Variants in PCSK2 observed in about 807,000 individuals in gnomAD.
PCSK2 encodes proprotein convertase subtilisin/kexin type 2.
Under a neutral mutation model 69.7 loss-of-function variants are expected in PCSK2, and 14 were observed. The ratio of observed to expected loss-of-function variants is 0.20; its 90% CI spans 0.13 to 0.31. The LOEUF (loss-of-function observed/expected upper bound fraction) is 0.31. Ranked by LOEUF, PCSK2 falls within the 10% of genes least tolerant of loss-of-function variation. The pLI, the probability that PCSK2 is intolerant of heterozygous loss-of-function variation, is 1.00. For synonymous variants in PCSK2, 307 were observed against 320.7 expected, an observed-to-expected ratio of 0.96 and a Z score of 0.46; for missense variants, 544 against 842.5, an observed-to-expected ratio of 0.65 and a Z score of 4.39.
At chr20:17,254,830 GA>G (rs1409075902) in intron 1 of PCSK2, among the ~76,000 whole-genome samples, 3 of 152,110 alleles carry the variant, frequency 2.0e-5, no homozygotes, top group African/African-American at 7.2e-5. Flanking sequence ...CATTTATTTA[GA>G]TCTTTAATTT....
intron 6 of PCSK2, among the ~76,000 whole-genome samples, chr20:17,418,650 C>A (rs1265555274): frequency 1.3e-5 from 2 of 152,174 alleles, no homozygotes; most frequent in Non-Finnish European, 2.9e-5. Context: ...CTCTCAGAAG[C>A]CCCAATAGCC....
intron 2 of PCSK2, among the ~76,000 whole-genome samples, chr20:17,275,112 T>TATAA (rs1555783895): frequency 1.9e-4 from 26 of 135,250 alleles, no homozygotes; most frequent in Admixed American, 1.7e-3. Flanking sequence ...TATATATATA[T>TATAA]AATGTTGGGC....
At chr20:17,258,930 A>T (rs1987277342) in intron 1 of PCSK2, among the ~76,000 whole-genome samples, 1 of 151,962 alleles carries the variant, frequency 6.6e-6, no homozygotes, top group South Asian at 2.1e-4. Flanking sequence ...AAAAAAGAAA[A>T]CATGAAGAAT....
At chr20:17,358,613 T>C (rs2030287881) in intron 3 of PCSK2, among the ~76,000 whole-genome samples, 173 bp downstream of exon 3, 1 of 152,232 alleles carries the variant, frequency 6.6e-6, no homozygotes, top group East Asian at 1.9e-4. Flanking sequence ...TCTAGTTCTC[T>C]AATCTGCTTT....
intron 2 of PCSK2, among the ~76,000 whole-genome samples, chr20:17,341,990 G>C (rs565776908): frequency 6.6e-6 from 1 of 152,344 alleles, no homozygotes; most frequent in Non-Finnish European, 1.5e-5. Context: ...TCCCAAAACT[G>C]TAAGTTTAGC....
intron 2 of PCSK2, among the ~76,000 whole-genome samples, chr20:17,305,671 T>C (rs1264886515): frequency 1.3e-5 from 2 of 152,250 alleles, no homozygotes; most frequent in East Asian, 1.9e-4. Flanking sequence ...CTAATAAGTA[T>C]GCTTTCAAGA....
Position 17,364,395 on chromosome 20 carries a change from C to T in PCSK2, c.505+3755C>T, listed in dbSNP as rs13339918. Among the ~76,000 whole-genome samples, 621 of 152,198 alleles carry T rather than the reference C, an allele frequency of 4.1e-3. 6 individuals carry two copies. Among genetic ancestry groups the T allele is most frequent in the African/African-American group, 0.014 (589 of 41,500 alleles). ...TCTTCACATTGCTGATAAAGACATACCCAGACTGGGTAATTTATAAAGAAA... is the reference window on the plus strand; with the variant it reads ...TCTTCACATTGCTGATAAAGACATATCCAGACTGGGTAATTTATAAAGAAA... On this transcript the variant is annotated intron_variant, in intron 4 of 11. Transcript: ENST00000262545.
chr20:17,369,266 G>A lies in PCSK2; in HGVS notation c.532G>A (p.Ala178Thr), dbSNP rs2030687227. 1 of 1,613,934 alleles carries A rather than the reference G, an allele frequency of 6.2e-7. No homozygotes were observed. The highest frequency in any genetic ancestry group is 1.3e-5 in the African/African-American group (1 of 75,058). Reference sequence around the variant, plus strand: ...GATTGACTATCTCCACCCGGACCTGGCCTCCAACTATGTAAGTACAAGCCA... The same window carrying A: ...GATTGACTATCTCCACCCGGACCTGACCTCCAACTATGTAAGTACAAGCCA... ...DGIDYLHPDL[A>T]SNYNAEASYD... The change falls in exon 5 of 12, where the codon GCC (alanine) becomes ACC (threonine). Residue 178 changes from alanine (A) to threonine (T), a missense_variant. Transcript: ENST00000262545.
chr20:17,253,508 G>A lies in PCSK2; in HGVS notation c.178-6732G>A, dbSNP rs1035532568. On this transcript the variant is annotated intron_variant, in intron 1 of 11. Transcript: ENST00000262545. ...CTTTAACTTAGCATTAAGTTTTCAA[G>A]GTTCTTCCGTGTTTTTACCATGTGT... Among the ~76,000 whole-genome samples, 5 of 152,160 alleles carry A rather than the reference G, an allele frequency of 3.3e-5. No homozygotes were observed. The East Asian group carries it at 9.7e-4, about 29-fold the overall frequency.
chr20:17,409,966 G>A (rs999496072), intron 6 of PCSK2, among the ~76,000 whole-genome samples: 2 of 152,180 alleles, frequency 1.3e-5, no homozygotes, highest in Non-Finnish European at 2.9e-5. Flanking sequence ...ACATATAAGA[G>A]ATATGAAGAA....
intron 2 of PCSK2, among the ~76,000 whole-genome samples, chr20:17,298,929 G>A (rs1245102709): frequency 6.6e-6 from 1 of 151,828 alleles, no homozygotes; most frequent in Non-Finnish European, 1.5e-5. Flanking sequence ...TATCTTACCC[G>A]TTTACCTATT....
intron 11 of PCSK2, among the ~76,000 whole-genome samples, chr20:17,466,101 A>G (rs2033096450): frequency 6.6e-6 from 1 of 152,152 alleles, no homozygotes; most frequent in African/African-American, 2.4e-5. Context: ...GATGTATGCC[A>G]TTATTTCTAA....
At chr20:17,439,352 G>A (rs114385708) in intron 8 of PCSK2, among the ~76,000 whole-genome samples, 3,289 of 151,922 alleles carry the variant, frequency 0.022, 130 homozygotes, top group African/African-American at 0.075. Flanking sequence ...TTCAAACTCC[G>A]GGACTCAAGA....
intron 2 of PCSK2, among the ~76,000 whole-genome samples, chr20:17,320,612 C>G (rs1461717911): frequency 6.6e-6 from 1 of 152,218 alleles, no homozygotes; most frequent in Non-Finnish European, 1.5e-5. Context: ...CTCTGGGAAA[C>G]TGTGGAGAAC....
intron 2 of PCSK2, among the ~76,000 whole-genome samples, chr20:17,277,208 G>GA (rs1178278473): frequency 4.6e-5 from 7 of 152,052 alleles, no homozygotes; most frequent in Admixed American, 1.3e-4. Flanking sequence ...CACAGAACTG[G>GA]AAAAAACTAC....
At chr20:17,314,142 C>G (rs1258020437) in intron 2 of PCSK2, among the ~76,000 whole-genome samples, 2 of 152,046 alleles carry the variant, frequency 1.3e-5, no homozygotes, top group African/African-American at 4.8e-5. Context: ...AAAAACTGAG[C>G]AATTTTAGCC....
At chr20:17,234,421 A>G (rs1986256537) in intron 1 of PCSK2, among the ~76,000 whole-genome samples, 2 of 152,196 alleles carry the variant, frequency 1.3e-5, no homozygotes, top group African/African-American at 4.8e-5. Context: ...AAGGTGCTGG[A>G]AAAACTATTT....
intron 4 of PCSK2, among the ~76,000 whole-genome samples, chr20:17,363,402 G>A (rs939888004): frequency 1.3e-5 from 2 of 152,210 alleles, no homozygotes; most frequent in Admixed American, 6.5e-5. Flanking sequence ...GTCTAAAGGG[G>A]CAGAAATTAT....
chr20:17,415,555 T>C (rs916909251), intron 6 of PCSK2, among the ~76,000 whole-genome samples: 1 of 152,134 alleles, frequency 6.6e-6, no homozygotes, highest in African/African-American at 2.4e-5. Context: ...TGGAAGAACA[T>C]TCCATGCTCA....
Sources: allele counts gnomAD v4.1 joint callset (sites outside exome capture counted in the v4.1 genomes callset), GRCh38; gene constraint gnomAD v4.1.1; transcripts MANE v1.5; gene names NCBI Gene and HGNC (gene_info 2026-07-23, HGNC 2026-07-21).